The following DNAH11 variants were observed in gnomAD, a reference collection of about 807,000 sequenced individuals.
DNAH11 encodes dynein axonemal heavy chain 11, also known as axonemal beta dynein heavy chain 11.
In DNAH11, 442 loss-of-function variants were observed where a neutral mutation model predicts 526.0. The observed-to-expected ratio is 0.84, with a 90% confidence interval of 0.78 to 0.91. DNAH11 has a LOEUF of 0.91. Among genes scored for constraint, DNAH11 ranks in the 40% least tolerant of loss-of-function variants. DNAH11 has a pLI of 0.00. For missense variants in DNAH11, 6,989 were observed against 5,448.7 expected, an observed-to-expected ratio of 1.28 and a Z score of -8.90; for synonymous variants, 2,461 against 1,935.9, an observed-to-expected ratio of 1.27 and a Z score of -7.12.
At chr7:21,685,658 G>A (rs944478789) in intron 32 of DNAH11, among the ~76,000 whole-genome samples, 1 of 152,150 alleles carries the variant, frequency 6.6e-6, no homozygotes, top group African/African-American at 2.4e-5. Context: ...ACTGTGTATT[G>A]ACTAGAAGGA....
intron 68 of DNAH11, among the ~76,000 whole-genome samples, chr7:21,858,535 TA>T (rs1225901341): frequency 2.6e-5 from 4 of 152,182 alleles, no homozygotes; most frequent in African/African-American, 9.6e-5. Flanking sequence ...ACTCAAAACA[TA>T]AAGGTATGAA....
intron 65 of DNAH11, among the ~76,000 whole-genome samples, chr7:21,821,189 A>T (rs1266593140): frequency 6.6e-6 from 1 of 152,230 alleles, no homozygotes; most frequent in Admixed American, 6.5e-5. Flanking sequence ...TATAGGAATG[A>T]GAGTAAGTGT....
At chr7:21,619,805 G>A (rs534343960) in intron 24 of DNAH11, 151 bp from the exon 25 acceptor site, 22 of 672,120 alleles carry the variant, frequency 3.3e-5, no homozygotes, top group Admixed American at 6.6e-5. Context: ...AACCCCATTA[G>A]CATGAATTAC....
Position 21,591,341 on chromosome 7 carries a change from G to A in DNAH11, c.2431G>A (p.Gly811Ser), listed in dbSNP as rs1784676026. ...GCTGACATGGCAGGATGACTGCTGG[G>A]GCTACATCGAGAGGGTGAGGGCAGC... ...TWLTWQDDCW[G>S]YIERVRAATS... is the part of the protein sequence containing the mutation. Residue 811 changes from glycine to serine, a missense_variant, in exon 14 of 82, where the codon GGC (glycine) becomes AGC (serine). Transcript: ENST00000409508. 1 of 1,613,762 alleles carries A rather than the reference G, an allele frequency of 6.2e-7. No homozygotes were observed. Among genetic ancestry groups the A allele is most frequent in the African/African-American group, 1.3e-5 (1 of 75,008 alleles).
At chr7:21,588,727 G>C in intron 11 of DNAH11, 91 bp downstream of exon 11, 2 of 1,440,318 alleles carry the variant, frequency 1.4e-6, no homozygotes, top group South Asian at 1.2e-5. Flanking sequence ...TTAGCACTTA[G>C]GAAGCCATTG....
chr7:21,678,948 A>G (rs566913749), intron 30 of DNAH11, among the ~76,000 whole-genome samples: 4 of 152,204 alleles, frequency 2.6e-5, no homozygotes, highest in Admixed American at 2.6e-4. Context: ...TTGCAGCTTT[A>G]TTCACAATAG....
intron 65 of DNAH11, among the ~76,000 whole-genome samples, chr7:21,830,079 G>A (rs754029383): frequency 2.6e-5 from 4 of 152,170 alleles, no homozygotes; most frequent in Non-Finnish European, 4.4e-5. Context: ...GATATTCCCA[G>A]TGTACCTGGC....
intron 76 of DNAH11, 53 bp downstream of exon 76, chr7:21,884,463 T>G (rs1275015152): frequency 6.5e-7 from 1 of 1,535,910 alleles, no homozygotes; most frequent in Non-Finnish European, 8.8e-7. Context: ...CAAAAAATTC[T>G]GGTAAGAATT....
intron 36 of DNAH11, among the ~76,000 whole-genome samples, chr7:21,702,097 A>G (rs1784088191): frequency 6.6e-6 from 1 of 152,322 alleles, no homozygotes; most frequent in Admixed American, 6.5e-5. Flanking sequence ...ATGGAGTTGC[A>G]ATTGTATCCA....
intron 61 of DNAH11, among the ~76,000 whole-genome samples, chr7:21,790,097 T>G (rs1788411336): frequency 6.6e-6 from 1 of 151,872 alleles, no homozygotes; most frequent in African/African-American, 2.4e-5. Flanking sequence ...GGGATTTAAA[T>G]AAGAGTAATT....
At chr7:21,737,058 C>G (rs926014554) in intron 46 of DNAH11, among the ~76,000 whole-genome samples, 3 of 152,066 alleles carry the variant, frequency 2.0e-5, no homozygotes, top group Non-Finnish European at 1.5e-5. Flanking sequence ...TAGAGATGGC[C>G]TATTAGTGCG....
At position 21,830,006 on chromosome 7, in the gene DNAH11, C is replaced by T. The variant is rs557685345; in HGVS notation, c.10691+11667C>T. Among the ~76,000 whole-genome samples the T allele has an allele frequency of 7.9e-5, 12 of 152,304 alleles. No homozygotes were observed. In the South Asian group the frequency reaches 8.3e-4, roughly 11 times the overall value. ...CTTTCCGTGATTTGAAGAAGTTAGA[C>T]GTCTTTTTGCCCCAGGACACTAATT... On this transcript the variant is annotated intron_variant, in intron 65 of 81. Coordinates refer to ENST00000409508, the MANE Select transcript of DNAH11 (RefSeq NM_001277115.2).
At chr7:21,681,381 C>G (rs1783129492) in intron 30 of DNAH11, among the ~76,000 whole-genome samples, 165 bp from the exon 31 acceptor site, 1 of 151,868 alleles carries the variant, frequency 6.6e-6, no homozygotes, top group South Asian at 2.1e-4. Context: ...GAGCAGAGAT[C>G]ATGCCACTGC....
In DNAH11 at chr7:21,702,713, C is replaced by G; in HGVS notation, c.6184C>G (p.His2062Asp). ...AATAAACCTGTTTTGATTTTAGGAT[C>G]ATTACGACTGGGGACTTCGTGCTAT... ...LCKELLSKQD[H>D]YDWGLRAIKS... Residue 2062 changes from histidine (H) to aspartate (D), a missense_variant, in exon 37 of 82, where the codon CAT becomes GAT. Transcript: ENST00000409508. 1 of 1,613,178 alleles carries G rather than the reference C, an allele frequency of 6.2e-7. No individual in the cohort carries two copies.
At chr7:21,855,259 C>G (rs959971059) in intron 68 of DNAH11, among the ~76,000 whole-genome samples, 1 of 152,032 alleles carries the variant, frequency 6.6e-6, no homozygotes, top group Admixed American at 6.5e-5. Context: ...TCTCTATCTC[C>G]TGACCTCGTG....
At chr7:21,873,613 A>G (rs1302054756) in intron 74 of DNAH11, 112 bp downstream of exon 74, 5 of 1,006,130 alleles carry the variant, frequency 5.0e-6, no homozygotes, top group Non-Finnish European at 7.5e-6. Context: ...CAAGTTCTTA[A>G]TGTTCGCATG....
intron 27 of DNAH11, 140 bp downstream of exon 27, chr7:21,637,842 G>C (rs1375862475): frequency 2.0e-6 from 1 of 497,220 alleles, no homozygotes; most frequent in African/African-American, 2.0e-5. Context: ...TAATTATCTA[G>C]TTGTCTCGTA....
chr7:21,875,918 C>G (rs1482771125), intron 74 of DNAH11, among the ~76,000 whole-genome samples: 4 of 123,412 alleles, frequency 3.2e-5, no homozygotes, highest in Non-Finnish European at 6.4e-5. Flanking sequence ...GAGTCTCACT[C>G]TATCGCCCAG....
intron 20 of DNAH11, among the ~76,000 whole-genome samples, chr7:21,610,058 T>A (rs113881213): frequency 6.6e-6 from 1 of 152,022 alleles, no homozygotes; most frequent in Non-Finnish European, 1.5e-5. Context: ...ATGGAGACCA[T>A]CCTGGCTAAC....
Sources: gnomAD v4.1 joint callset for allele counts (sites outside exome capture counted in the v4.1 genomes callset) on GRCh38, gnomAD v4.1.1 for gene constraint, MANE v1.5 for transcripts, NCBI Gene and HGNC (gene_info 2026-07-23, HGNC 2026-07-21) for gene names.